ARHGEF28: variants seen among roughly 807,000 people sequenced by gnomAD.
ARHGEF28 encodes 190 kDa guanine nucleotide exchange factor.
In ARHGEF28, 152 loss-of-function variants were observed where a neutral mutation model predicts 206.6. The ratio of observed to expected loss-of-function variants is 0.74; its 90% CI spans 0.64 to 0.84. The LOEUF is 0.84. ARHGEF28 is among the 40% of genes least tolerant of loss of function. ARHGEF28 has a pLI of 0.00. For missense variants in ARHGEF28, 2,028 were observed against 2,073.2 expected, an observed-to-expected ratio of 0.98 and a Z score of 0.42; for synonymous variants, 763 against 776.4, an observed-to-expected ratio of 0.98 and a Z score of 0.29.
In ARHGEF28 at chr5:73,775,585, A is replaced by G. The variant is rs1330871672; in HGVS notation, c.660-931A>G. ...ATTTCCTTCATTGGAAATATACTAT[A>G]TTTTTGTAAAGCAAACATTCATTAA... On this transcript the variant is annotated intron_variant, in intron 5 of 35. Transcript: ENST00000513042. Among the ~76,000 whole-genome samples the G allele has an allele frequency of 2.0e-5, 3 of 152,204 alleles. No individual in the cohort carries two copies. In the East Asian group the frequency reaches 5.8e-4, roughly 29 times the overall value.
Position 73,753,159 on chromosome 5 carries a change from A to G in ARHGEF28, c.432A>G (p.Glu144=), listed in dbSNP as rs371898858. 19 of 1,550,508 alleles carry G rather than the reference A, an allele frequency of 1.2e-5. No homozygotes were observed. In the African/African-American group the frequency reaches 2.6e-4, roughly 21 times the overall value. Residue 144 remains glutamate (E), a synonymous_variant, in exon 4 of 36, where the codon GAA becomes GAG. Transcript: ENST00000513042. ...EELVLALTHL[E]LPLEWTVLGS... The stretch of plus-strand genomic sequence containing the variant: ...TCGTGCTGGCTCTGACCCATCTGGA[A>G]TTGCCTCTAGAGTGGACTGTGTTGG...
Position 73,700,864 on chromosome 5 carries a change from C to T in ARHGEF28, c.33+15980C>T, listed in dbSNP as rs560724376. 8.5e-5 allele frequency among the ~76,000 whole-genome samples: 13 copies of T among 152,158 alleles called. 1 individual carries two copies. The East Asian group carries it at 1.5e-3, about 18-fold the overall frequency. ...GTGTGAAAGGAATAGTGCATATTTTCGTAAGAAACTGAAAACACTTCCCGT... is the reference window on the plus strand; with the variant it reads ...GTGTGAAAGGAATAGTGCATATTTTTGTAAGAAACTGAAAACACTTCCCGT... On this transcript the variant is annotated intron_variant, in intron 2 of 35. Transcript: ENST00000513042.
intron 18 of ARHGEF28, 137 bp downstream of exon 18, chr5:73,866,150 T>A: frequency 1.2e-6 from 1 of 847,506 alleles, no homozygotes. Context: ...TGGCATGATT[T>A]TTAGTTCTAT....
intron 31 of ARHGEF28, 193 bp from the exon 32 acceptor site, chr5:73,904,029 C>T (rs778441693): frequency 4.4e-5 from 26 of 584,498 alleles, no homozygotes; most frequent in Non-Finnish European, 5.6e-5. Context: ...GCGTGAAGGA[C>T]GCTCTTGTTG....
Position 73,648,334 on chromosome 5 carries a change from T to C in ARHGEF28, c.-12+22012T>C, listed in dbSNP as rs190046953. On this transcript the variant is annotated intron_variant, in intron 1 of 35. Transcript: ENST00000513042. ...TTCTGTGGAGGGTGTTTCTGTACTA[T>C]AAAAGATCAAGATCGAGTTGTTTAT... Among the ~76,000 whole-genome samples, 761 of 152,316 alleles carry C rather than the reference T, an allele frequency of 5.0e-3. 1 individual carries two copies. Among genetic ancestry groups the C allele is most frequent in the Non-Finnish European group, 7.7e-3 (527 of 68,030 alleles).
chr5:73,761,427 A>G (rs531081580), intron 4 of ARHGEF28, among the ~76,000 whole-genome samples: 1 of 152,164 alleles, frequency 6.6e-6, no homozygotes, highest in Non-Finnish European at 1.5e-5. Context: ...CCACGATTGA[A>G]AAAGTTGGGT....
intron 1 of ARHGEF28, among the ~76,000 whole-genome samples, chr5:73,669,160 A>C (rs1244294833): frequency 6.6e-6 from 1 of 152,188 alleles, no homozygotes; most frequent in Non-Finnish European, 1.5e-5. Context: ...TCATTCTTAA[A>C]GGATAAAGCT....
At chr5:73,791,599 T>C (rs962590807) in intron 7 of ARHGEF28, among the ~76,000 whole-genome samples, 1 of 152,200 alleles carries the variant, frequency 6.6e-6, no homozygotes, top group Non-Finnish European at 1.5e-5. Flanking sequence ...AAGTCTAGAC[T>C]CTGTGGTCTC....
intron 9 of ARHGEF28, among the ~76,000 whole-genome samples, chr5:73,804,223 G>C (rs983966791): frequency 1.3e-5 from 2 of 151,896 alleles, no homozygotes; most frequent in Non-Finnish European, 2.9e-5. Flanking sequence ...CTAACAGATA[G>C]ATTCATCTGC....
chr5:73,698,248 G>A (rs1218125598), intron 2 of ARHGEF28, among the ~76,000 whole-genome samples: 1 of 152,096 alleles, frequency 6.6e-6, no homozygotes, highest in Non-Finnish European at 1.5e-5. Context: ...GAGAAAGCCA[G>A]CTTAACAAAT....
chr5:73,894,467 G>T lies in ARHGEF28; in HGVS notation c.3733G>T (p.Glu1245Ter). 1.2e-6 allele frequency: 2 copies of T among 1,613,912 alleles called. No homozygotes were observed. The highest frequency in any genetic ancestry group is 2.2e-5 in the South Asian group (2 of 91,030). ...EKLHIYAELGELSGFEDVHLE... is the reference protein window; with the variant it reads ...EKLHIYAELG ...GCTGCATATCTATGCTGAACTTGGA[G>T]AACTGAGCGGATTTGAGGACGTCCA... is the stretch of plus-strand genomic sequence containing the variant. Residue 1245 changes from glutamate (E) to a stop codon, truncating the protein, a stop_gained, in exon 29 of 36, where the codon GAA becomes TAA. Coordinates refer to ENST00000513042, the MANE Select transcript of ARHGEF28 (RefSeq NM_001177693.2). LOFTEE classifies it high-confidence loss of function.
At position 73,808,481 on chromosome 5, in the gene ARHGEF28, C is replaced by T. The variant is rs777309551; in HGVS notation, c.1024+13090C>T. Among the ~76,000 whole-genome samples the T allele has an allele frequency of 2.2e-4, 34 of 152,238 alleles. No homozygotes were observed. In the East Asian group the frequency reaches 4.4e-3, roughly 20 times the overall value. On this transcript the variant is annotated intron_variant, in intron 9 of 35. Coordinates refer to ENST00000513042, the MANE Select transcript of ARHGEF28 (RefSeq NM_001177693.2). ...TCCCTGTGAAAGCCACCCATTTCAC[C>T]GGGTGCCTGGCCATAGTTAGATCCA...
chr5:73,672,527 T>C (rs1746415676), intron 1 of ARHGEF28, among the ~76,000 whole-genome samples: 1 of 152,222 alleles, frequency 6.6e-6, no homozygotes, highest in Non-Finnish European at 1.5e-5. Flanking sequence ...TATATTTTAA[T>C]ATCCTTCCCT....
At chr5:73,890,461 T>A (rs1043116239) in intron 26 of ARHGEF28, among the ~76,000 whole-genome samples, 1 of 152,186 alleles carries the variant, frequency 6.6e-6, no homozygotes, top group African/African-American at 2.4e-5. Context: ...TTAACAATGC[T>A]CCAAGGATCT....
chr5:73,847,783 G>T (rs1039426271), intron 12 of ARHGEF28, among the ~76,000 whole-genome samples: 1 of 152,268 alleles, frequency 6.6e-6, no homozygotes, highest in East Asian at 1.9e-4. Context: ...TGGTTACCAC[G>T]TATACATGAC....
rs199747461 is a variant in ARHGEF28, at chr5:73,736,022, A to AG, written c.34-13814dup. On this transcript the variant is annotated intron_variant, in intron 2 of 35. Transcript: ENST00000513042. ...TCCTATTAGGCTGTGAGCTCCGTGAAGAAAGAAAGGATAGGTCTTGTCGTC... is the reference window on the plus strand; with the variant it reads ...TCCTATTAGGCTGTGAGCTCCGTGAAGGAAAGAAAGGATAGGTCTTGTCGTC... Among the ~76,000 whole-genome samples, 832 of 152,342 alleles carry AG rather than the reference A, an allele frequency of 5.5e-3. 16 individuals are homozygous for AG. The highest frequency in any genetic ancestry group is 0.019 in the African/African-American group (778 of 41,568).
intron 1 of ARHGEF28, among the ~76,000 whole-genome samples, chr5:73,657,015 T>C (rs1242437662): frequency 6.6e-6 from 1 of 151,596 alleles, no homozygotes; most frequent in Non-Finnish European, 1.5e-5. Flanking sequence ...CTAAAAAATA[T>C]ATAAAAAATT....
intron 1 of ARHGEF28, among the ~76,000 whole-genome samples, chr5:73,635,232 A>G (rs1743623316): frequency 6.6e-6 from 1 of 152,112 alleles, no homozygotes; most frequent in Non-Finnish European, 1.5e-5. Context: ...AGTCCCAGCT[A>G]CTCGGGAGGC....
intron 35 of ARHGEF28, among the ~76,000 whole-genome samples, chr5:73,921,040 C>A (rs1580106111): frequency 6.6e-6 from 1 of 152,266 alleles, no homozygotes; most frequent in East Asian, 1.9e-4. Flanking sequence ...CTTTCTTAAA[C>A]TCTTTTTTTC....
Sources: gnomAD v4.1 joint callset for allele counts (sites outside exome capture counted in the v4.1 genomes callset) on GRCh38, gnomAD v4.1.1 for gene constraint, MANE v1.5 for transcripts, NCBI Gene and HGNC (gene_info 2026-07-23, HGNC 2026-07-21) for gene names.